The following RUNX1 variants were observed in gnomAD, a reference collection of about 807,000 sequenced individuals.
RUNX1 encodes RUNX family transcription factor 1, also known as runt-related transcription factor 1.
RUNX1 carries 19 observed loss-of-function variants against 42.8 expected under a neutral mutation model. The ratio of observed to expected loss-of-function variants is 0.44; its 90% CI spans 0.31 to 0.65. RUNX1 has a LOEUF of 0.65. Among genes scored for constraint, RUNX1 ranks in the 30% least tolerant of loss-of-function variants. The probability of loss-of-function intolerance (pLI) is 0.07; values close to 1 mark genes in which losing one functional copy is unlikely to be tolerated. For missense variants in RUNX1, 528 were observed against 672.0 expected, an observed-to-expected ratio of 0.79 and a Z score of 2.37; for synonymous variants, 271 against 289.4, an observed-to-expected ratio of 0.94 and a Z score of 0.64.
chr21:35,032,686 A>C (rs947749905), intron 2 of RUNX1, among the ~76,000 whole-genome samples: 1 of 152,216 alleles, frequency 6.6e-6, no homozygotes, highest in Non-Finnish European at 1.5e-5. Flanking sequence ...GGACACCTAC[A>C]TGACTTCCAG....
At chr21:34,989,684 G>C (rs2058921618) in intron 2 of RUNX1, among the ~76,000 whole-genome samples, 1 of 152,162 alleles carries the variant, frequency 6.6e-6, no homozygotes, top group African/African-American at 2.4e-5. Flanking sequence ...CTGGCCACAG[G>C]AGTGTTTGTT....
At chr21:34,936,269 C>T (rs928619382) in intron 2 of RUNX1, among the ~76,000 whole-genome samples, 2 of 149,216 alleles carry the variant, frequency 1.3e-5, no homozygotes, top group Non-Finnish European at 2.9e-5. Flanking sequence ...ATTCAGCCCC[C>T]CTCTTTTTTA....
At chr21:34,876,250 G>A (rs1474592863) in intron 5 of RUNX1, among the ~76,000 whole-genome samples, 1 of 152,198 alleles carries the variant, frequency 6.6e-6, no homozygotes, top group Non-Finnish European at 1.5e-5. Flanking sequence ...GCCATCCAAA[G>A]GCCTGGCCAG....
intron 6 of RUNX1, among the ~76,000 whole-genome samples, chr21:34,855,734 A>G (rs1210874859): frequency 6.6e-6 from 1 of 152,098 alleles, no homozygotes; most frequent in African/African-American, 2.4e-5. Flanking sequence ...AACAAACAAA[A>G]AACTCTCAAA....
At position 34,898,667 on chromosome 21, in the gene RUNX1, C is replaced by T. The variant is rs115635106; in HGVS notation, c.59-5704G>A. On this transcript the variant is annotated intron_variant, in intron 2 of 8. Transcript: ENST00000675419. ...AGATTCACTCTCATTCCCACACAAA[C>T]GCACCAGTGGATTGTGAACACCTTG... 8.3e-3 allele frequency among the ~76,000 whole-genome samples: 1,262 copies of T among 152,318 alleles called. 15 individuals carry two copies. The highest frequency in any genetic ancestry group is 0.029 in the African/African-American group (1,210 of 41,578).
intron 2 of RUNX1, among the ~76,000 whole-genome samples, chr21:35,010,204 TC>T (rs928066375): frequency 1.3e-5 from 2 of 151,680 alleles, no homozygotes; most frequent in African/African-American, 4.9e-5. Context: ...TGTTTTTTTT[TC>T]CTCCCTAAAT....
chr21:34,941,666 A>C (rs1018745283), intron 2 of RUNX1, among the ~76,000 whole-genome samples: 1 of 152,226 alleles, frequency 6.6e-6, no homozygotes, highest in Non-Finnish European at 1.5e-5. Flanking sequence ...AAAATGTTTT[A>C]TCTCTATTCA....
At chr21:34,927,057 C>A (rs985739327) in intron 2 of RUNX1, among the ~76,000 whole-genome samples, 2 of 152,062 alleles carry the variant, frequency 1.3e-5, no homozygotes, top group African/African-American at 4.8e-5. Context: ...CAGTTGCCTG[C>A]CCAAAGAGTT....
At chr21:34,957,008 G>A (rs1014271777) in intron 2 of RUNX1, among the ~76,000 whole-genome samples, 1 of 152,186 alleles carries the variant, frequency 6.6e-6, no homozygotes, top group African/African-American at 2.4e-5. Context: ...GTGCCCCTAG[G>A]ACAGGCACCC....
rs767065647 is a variant in RUNX1, at chr21:34,901,087, A to G, written c.59-8124T>C. Among the ~76,000 whole-genome samples the G allele has an allele frequency of 2.6e-5, 4 of 152,178 alleles. No individual in the cohort carries two copies. The highest frequency in any genetic ancestry group is 5.9e-5 in the Non-Finnish European group (4 of 68,024). On this transcript the variant is annotated intron_variant, in intron 2 of 8. Coordinates refer to ENST00000675419, the MANE Select transcript of RUNX1 (RefSeq NM_001754.5). The surrounding 1 kb of genome is among the most constrained non-coding windows in gnomAD (Gnocchi z 4.3). ...CTAAGCTATGGAATCCATCCTCATCAGAAGAAATAACCAAGGAGCGGGAAT... is the reference window on the plus strand; with the variant it reads ...CTAAGCTATGGAATCCATCCTCATCGGAAGAAATAACCAAGGAGCGGGAAT...
chr21:34,799,497 G>C (rs1453796965), intron 7 of RUNX1, 35 bp from the exon 8 acceptor site: 1 of 1,595,624 alleles, frequency 6.3e-7, no homozygotes, highest in East Asian at 2.2e-5. Context: ...TATATGTAAA[G>C]TGGGGTGGGA....
chr21:34,953,397 G>T lies in RUNX1; in HGVS notation c.59-60434C>A, dbSNP rs562592629. On this transcript the variant is annotated intron_variant, in intron 2 of 8. Coordinates refer to ENST00000675419, the MANE Select transcript of RUNX1 (RefSeq NM_001754.5). ...ATAACTTCTGCATGCAACCCCCAGG[G>T]AAGCTTTCTAAAGGGCCTTTTCCTT... 2.1e-3 allele frequency among the ~76,000 whole-genome samples: 326 copies of T among 152,234 alleles called. 2 individuals are homozygous for T. The highest frequency in any genetic ancestry group is 7.4e-3 in the African/African-American group (308 of 41,534).
At chr21:35,029,897 C>T (rs981003126) in intron 2 of RUNX1, among the ~76,000 whole-genome samples, 28 of 152,170 alleles carry the variant, frequency 1.8e-4, no homozygotes, top group African/African-American at 3.9e-4. Flanking sequence ...TTCTGTTCTG[C>T]GCATTGTGGG....
chr21:34,939,701 A>G (rs918031097), intron 2 of RUNX1, among the ~76,000 whole-genome samples: 2 of 152,192 alleles, frequency 1.3e-5, no homozygotes, highest in African/African-American at 2.4e-5. Context: ...GAGTTGAAAC[A>G]TATCTGTGAA....
intron 5 of RUNX1, 51 bp from the exon 6 acceptor site, chr21:34,859,629 A>G (rs750990394): frequency 4.4e-6 from 6 of 1,349,676 alleles, no homozygotes; most frequent in Non-Finnish European, 6.4e-6. Context: ...TGGCCTGAAC[A>G]TATCTGTTGA....
intron 2 of RUNX1, among the ~76,000 whole-genome samples, chr21:34,968,989 A>G (rs888610968): frequency 2.6e-5 from 4 of 152,124 alleles, no homozygotes; most frequent in Non-Finnish European, 5.9e-5. Context: ...CTGCCTCCCC[A>G]TTTAGAAACT....
At chr21:34,996,038 T>C (rs2058992784) in intron 2 of RUNX1, among the ~76,000 whole-genome samples, 1 of 152,228 alleles carries the variant, frequency 6.6e-6, no homozygotes. Context: ...TCTTTGAATA[T>C]TTTCTAATAC....
chr21:35,031,283 C>T lies in RUNX1; in HGVS notation c.58+17559G>A, dbSNP rs146461369. Among the ~76,000 whole-genome samples the T allele has an allele frequency of 1.5e-4, 23 of 152,232 alleles. No homozygotes were observed. In the East Asian group the frequency reaches 2.5e-3, roughly 17 times the overall value. Reference sequence around the variant, plus strand: ...GAATTGCTTGAACCTAAGAGGCAGACGTTGCGGTGAGCCGAGATCGTGCCA... The same window carrying T: ...GAATTGCTTGAACCTAAGAGGCAGATGTTGCGGTGAGCCGAGATCGTGCCA... On this transcript the variant is annotated intron_variant, in intron 2 of 8. Coordinates refer to ENST00000675419, the MANE Select transcript of RUNX1 (RefSeq NM_001754.5).
rs938030800 is a variant in RUNX1 at position 34,821,492 on chromosome 21, C to T, written c.805+12918G>A. ...GTGTTAGGAACTATTATTGTTACGA[C>T]GGTTTGCAGAGGGGGAGAAGGGACA... On this transcript the variant is annotated intron_variant, in intron 7 of 8. Transcript: ENST00000675419. 41 of 1,456,452 alleles carry T rather than the reference C, an allele frequency of 2.8e-5. 1 individual carries two copies. Among genetic ancestry groups the T allele is most frequent in the Middle Eastern group, 2.5e-4 (1 of 3,968 alleles). 90.2% of individuals were successfully genotyped at this position (1,456,452 alleles called of 1,614,324 possible).
Sources: allele counts gnomAD v4.1 joint callset (sites outside exome capture counted in the v4.1 genomes callset), GRCh38; gene constraint gnomAD v4.1.1; non-coding constraint Gnocchi (gnomAD v3.1); transcripts MANE v1.5; gene names NCBI Gene and HGNC (gene_info 2026-07-23, HGNC 2026-07-21).